Variants in RAD51B observed in about 807,000 individuals in gnomAD.
RAD51B encodes the protein RAD51 paralog B.
Under a neutral mutation model 42.2 loss-of-function variants are expected in RAD51B, and 38 were observed. That is an observed-to-expected ratio of 0.90 (90% CI 0.70 to 1.18). The LOEUF (loss-of-function observed/expected upper bound fraction) is 1.18, where lower values mean the gene tolerates loss of function less well. Among genes scored for constraint, RAD51B ranks in the 50% most tolerant of loss-of-function variants. The probability of loss-of-function intolerance (pLI) is 0.00; values close to 1 mark genes in which losing one functional copy is unlikely to be tolerated. For synonymous variants in RAD51B, 154 were observed against 145.2 expected (o/e 1.06, Z -0.43); for missense variants, 373 against 400.7 (o/e 0.93, Z 0.59).
chr14:68,545,475 C>T (rs758644146), intron 10 of RAD51B: 35 of 418,168 alleles, frequency 8.4e-5, no homozygotes, highest in Non-Finnish European at 1.6e-4. Context: ...CATTTTTTTT[C>T]AGAATGGAAC....
chr14:68,611,811 G>C (rs117103474), downstream of RAD51B, among the ~76,000 whole-genome samples: 1,808 of 152,260 alleles, frequency 0.012, 16 homozygotes, highest in Admixed American at 0.018. Context: ...GACAGAGCCT[G>C]TCAGGTCCAC....
At chr14:67,893,051 T>C (rs1414377618) in intron 7 of RAD51B, among the ~76,000 whole-genome samples, 2 of 152,148 alleles carry the variant, frequency 1.3e-5, no homozygotes, top group African/African-American at 4.8e-5. Context: ...TAGTAAATCA[T>C]TGAGCCAGAA....
intron 11 of RAD51B, among the ~76,000 whole-genome samples, chr14:68,674,346 G>A (rs1893260247): frequency 6.6e-6 from 1 of 151,932 alleles, no homozygotes. Flanking sequence ...AACACTACTA[G>A]AAAACAACAT....
At chr14:68,659,005 C>T (rs577673232) in intron 11 of RAD51B, among the ~76,000 whole-genome samples, 169 of 152,110 alleles carry the variant, frequency 1.1e-3, no homozygotes, top group South Asian at 2.1e-3. Context: ...GAAAGGCTGG[C>T]GGGATGGTCT....
At chr14:68,058,307 AG>A (rs2076512823) in intron 7 of RAD51B, among the ~76,000 whole-genome samples, 1 of 152,106 alleles carries the variant, frequency 6.6e-6, no homozygotes, top group South Asian at 2.1e-4. Context: ...TTTCCAGTAG[AG>A]GCCAACTATA....
At chr14:67,844,992 G>T (rs751177485) in intron 4 of RAD51B, among the ~76,000 whole-genome samples, 3 of 152,144 alleles carry the variant, frequency 2.0e-5, no homozygotes, top group Non-Finnish European at 2.9e-5. Context: ...GAGCTTATGG[G>T]TGTCATTGCA....
chr14:68,550,179 A>T (rs1166158801), intron 10 of RAD51B, among the ~76,000 whole-genome samples: 1 of 152,126 alleles, frequency 6.6e-6, no homozygotes, highest in Non-Finnish European at 1.5e-5. Context: ...CAGTCACCAC[A>T]CACTTGGATT....
chr14:68,484,863 C>G (rs1009076385), intron 10 of RAD51B, among the ~76,000 whole-genome samples: 3 of 152,170 alleles, frequency 2.0e-5, no homozygotes, highest in Non-Finnish European at 4.4e-5. Context: ...GTCCTGCATA[C>G]TATAGTTTAT....
In RAD51B at chr14:68,674,189, T is replaced by TGCACATACACACATATACATG. The variant is rs34075984; in HGVS notation, c.*11+23333_*11+23334insGCACATACACACATATACATG. Among the ~76,000 whole-genome samples, 164 of 152,118 alleles carry TGCACATACACACATATACATG rather than the reference T, an allele frequency of 1.1e-3. 1 individual carries two copies. The highest frequency in any genetic ancestry group is 3.8e-3 in the African/African-American group (159 of 41,500). On this transcript the variant is annotated intron_variant, in intron 11 of 11. Transcript: ENST00000488612. ...CACACATACTGTATACACATATACA[T>TGCACATACACACATATACATG]CACATACACACATATACATACATAT...
chr14:68,421,114 C>T (rs2084688221), intron 9 of RAD51B, among the ~76,000 whole-genome samples: 1 of 152,178 alleles, frequency 6.6e-6, no homozygotes, highest in African/African-American at 2.4e-5. Flanking sequence ...AGATGAGGAG[C>T]TTCTTCTTGC....
chr14:67,846,185 G>A (rs765562388), intron 4 of RAD51B, among the ~76,000 whole-genome samples: 13 of 152,142 alleles, frequency 8.5e-5, no homozygotes, highest in Non-Finnish European at 7.4e-5. Flanking sequence ...TGGGTGCGGC[G>A]CTGCCAGCCT....
chr14:68,338,782 T>C, intron 8 of RAD51B: 1 of 538,566 alleles, frequency 1.9e-6, no homozygotes, highest in Non-Finnish European at 3.5e-6. Flanking sequence ...AGCTTGATAA[T>C]GTGAGCTACA....
intron 9 of RAD51B, among the ~76,000 whole-genome samples, chr14:68,459,690 A>C (rs968692868): frequency 2.0e-5 from 3 of 152,250 alleles, no homozygotes; most frequent in African/African-American, 7.2e-5. Flanking sequence ...GTATGGATGC[A>C]AAGTCATATT....
At chr14:68,557,934 T>A (rs994301933) in intron 10 of RAD51B, among the ~76,000 whole-genome samples, 4 of 144,676 alleles carry the variant, frequency 2.8e-5, no homozygotes, top group African/African-American at 4.9e-5. Context: ...TTTAAAAAGA[T>A]GTGTGAGTAT....
At chr14:68,315,888 C>T (rs1159885186) in intron 8 of RAD51B, among the ~76,000 whole-genome samples, 1 of 152,126 alleles carries the variant, frequency 6.6e-6, no homozygotes, top group Admixed American at 6.5e-5. Context: ...AAGTCACTGC[C>T]CCCCAGAGTT....
chr14:68,432,742 C>A (rs1423903668), intron 9 of RAD51B, among the ~76,000 whole-genome samples: 4 of 152,136 alleles, frequency 2.6e-5, no homozygotes, highest in African/African-American at 7.2e-5. Flanking sequence ...GAGCATTTAG[C>A]CCATTTACAT....
chr14:68,355,619 T>C (rs1594715835), intron 8 of RAD51B, among the ~76,000 whole-genome samples: 1 of 152,206 alleles, frequency 6.6e-6, no homozygotes, highest in African/African-American at 2.4e-5. Flanking sequence ...GGTTTTTTTT[T>C]CTACCAAAGT....
At chr14:68,386,107 C>A (rs2083588823) in intron 8 of RAD51B, among the ~76,000 whole-genome samples, 1 of 152,120 alleles carries the variant, frequency 6.6e-6, no homozygotes, top group African/African-American at 2.4e-5. Flanking sequence ...ACATTTAGGG[C>A]AGTATCCTTT....
chr14:68,612,467 C>T (rs1891715183), downstream of RAD51B, among the ~76,000 whole-genome samples: 1 of 152,190 alleles, frequency 6.6e-6, no homozygotes, highest in Non-Finnish European at 1.5e-5. Flanking sequence ...TCCTATGGGC[C>T]AGCTCTGGAA....
Sources: gnomAD v4.1 joint callset for allele counts (sites outside exome capture counted in the v4.1 genomes callset) on GRCh38, gnomAD v4.1.1 for gene constraint, MANE v1.5 for transcripts, NCBI Gene and HGNC (gene_info 2026-07-23, HGNC 2026-07-21) for gene names.